The following GML variants were observed in gnomAD, a reference collection of about 807,000 sequenced individuals.
GML encodes glycosyl-phosphatidylinositol-anchored molecule-like protein.
GML carries 5 observed loss-of-function variants against 8.2 expected under a neutral mutation model. The observed-to-expected ratio is 0.61, with a 90% CI of 0.32 to 1.28. GML has a LOEUF of 1.28. GML is among the 50% of genes most tolerant of loss of function. GML has a pLI of 0.06. For missense variants in GML, 191 were observed against 198.3 expected, an observed-to-expected ratio of 0.96 and a Z score of 0.22; for synonymous variants, 72 against 69.0, an observed-to-expected ratio of 1.04 and a Z score of -0.22.
At chr8:142,839,328 A>G (rs1183837758) in intron 1 of GML, among the ~76,000 whole-genome samples, 1 of 152,060 alleles carries the variant, frequency 6.6e-6, no homozygotes, top group East Asian at 1.9e-4. Flanking sequence ...AAACTTGATG[A>G]CCTAGGGCTA....
At chr8:142,843,255 TACACACACACACACACACACACAC>T (rs55778635) in intron 3 of GML, among the ~76,000 whole-genome samples, 2 of 140,000 alleles carry the variant, frequency 1.4e-5, no homozygotes, top group South Asian at 2.4e-4. Flanking sequence ...AAAAGGTTCA[TACACACACACACACACACACACAC>T]ACACACACAC....
At chr8:142,841,257 T>C (rs768490499) in intron 3 of GML, 32 bp downstream of exon 3, 12 of 1,064,682 alleles carry the variant, frequency 1.1e-5, no homozygotes, top group Non-Finnish European at 1.6e-5. Context: ...TGACACATTG[T>C]AGATTAGTCC....
At chr8:142,838,914 T>C (rs1816382936) in intron 1 of GML, among the ~76,000 whole-genome samples, 1 of 152,166 alleles carries the variant, frequency 6.6e-6, no homozygotes, top group African/African-American at 2.4e-5. Context: ...TCTTGGGTAT[T>C]TTCCCATCCA....
chr8:142,840,598 G>A (rs767986242), intron 2 of GML, 88 bp downstream of exon 2: 3 of 940,864 alleles, frequency 3.2e-6, no homozygotes, highest in East Asian at 2.4e-5. Flanking sequence ...CTGCAACGTG[G>A]AGCAAGCCTC....
At chr8:142,841,978 C>T (rs1816440776) in intron 3 of GML, among the ~76,000 whole-genome samples, 1 of 152,186 alleles carries the variant, frequency 6.6e-6, no homozygotes, top group Non-Finnish European at 1.5e-5. Flanking sequence ...CCCCTGATTA[C>T]CACCTCGGTG....
chr8:142,837,151 G>T (rs546980553), intron 1 of GML, among the ~76,000 whole-genome samples: 1 of 152,122 alleles, frequency 6.6e-6, no homozygotes, highest in African/African-American at 2.4e-5. Flanking sequence ...AAAATTAGCT[G>T]GGCGTAGTGG....
At position 142,842,037 on chromosome 8, in the gene GML, A is replaced by G. The variant is rs1245708372; in HGVS notation, c.181+812A>G. ...GATCTCATCTTGAATTGTAACTCCC[A>G]TAATCCCCGTGTGTCATGGGAGGGA... On this transcript the variant is annotated intron_variant, in intron 3 of 3. Coordinates refer to ENST00000220940, the MANE Select transcript of GML (RefSeq NM_002066.3). Among the ~76,000 whole-genome samples, 7 of 152,156 alleles carry G rather than the reference A, an allele frequency of 4.6e-5. No individual in the cohort carries two copies. The East Asian group carries it at 1.2e-3, about 25-fold the overall frequency.
At chr8:142,840,745 C>T (rs1183675214) in intron 2 of GML, among the ~76,000 whole-genome samples, 1 of 152,144 alleles carries the variant, frequency 6.6e-6, no homozygotes, top group Non-Finnish European at 1.5e-5. Context: ...TGTGGCCCTT[C>T]TCCATCAGCG....
Position 142,841,336 on chromosome 8 carries a change from T to TC in GML, c.181+114dup, listed in dbSNP as rs1197430579. ...CTCTGCACCCAGCTCTGTTTCCCCTTCCCTCATGTCCTCCCATCCTGAGTG... is the reference window on the plus strand; with the variant it reads ...CTCTGCACCCAGCTCTGTTTCCCCTTCCCCTCATGTCCTCCCATCCTGAGTG... On this transcript the variant is annotated intron_variant, in intron 3 of 3. Coordinates refer to ENST00000220940, the MANE Select transcript of GML (RefSeq NM_002066.3). The TC allele has an allele frequency of 8.7e-6, 6 of 685,910 alleles. No homozygotes were observed. The African/African-American group carries it at 1.1e-4, about 12-fold the overall frequency. The allele number at this position is 685,910 out of a possible 1,614,324, so 42.5% of individuals were successfully genotyped here.
At position 142,840,633 on chromosome 8, in the gene GML, G is replaced by A. The variant is rs547208157; in HGVS notation, c.73+123G>A. ...CCGTTAGCTGGGGCCTGCATTGTCT[G>A]TGTAATCAGGGGTGGGCACTAGGGC... On this transcript the variant is annotated intron_variant, in intron 2 of 3. Transcript: ENST00000220940. The A allele has an allele frequency of 4.5e-4, 320 of 711,570 alleles. 4 individuals are homozygous for A. In the South Asian group the frequency reaches 4.9e-3, roughly 11 times the overall value. 44.1% of individuals were successfully genotyped at this position (711,570 alleles called of 1,614,324 possible). A position where few individuals can be genotyped will look rare whatever the true frequency, so the allele number is the denominator to read the frequency against.
intron 1 of GML, 93 bp downstream of exon 1, chr8:142,834,961 C>T (rs1586541372): frequency 6.9e-6 from 1 of 144,532 alleles, no homozygotes; most frequent in African/African-American, 2.6e-5. Context: ...CTGCTTGGGC[C>T]GCCAGGACGC....
Position 142,840,483 on chromosome 8 carries a change from G to T in GML, c.46G>T (p.Ala16Ser), listed in dbSNP as rs762192392. 2.4e-5 allele frequency: 39 copies of T among 1,612,854 alleles called. No individual in the cohort carries two copies. Among genetic ancestry groups the T allele is most frequent in the Non-Finnish European group, 3.3e-5 (39 of 1,178,906 alleles). The change falls in exon 2 of 4, where the codon GCA becomes TCA. Residue 16 changes from alanine to serine, a missense_variant. Transcript: ENST00000220940. ...CCTAGCCATGGAGCTCCCATTGGTG[G>T]CAGCCAGTGCCACCATGCGCGCTCA... ...LLLAMELPLV[A>S]ASATMRAQWT...
At chr8:142,843,829 C>T (rs1338020407) in intron 3 of GML, among the ~76,000 whole-genome samples, 1 of 152,102 alleles carries the variant, frequency 6.6e-6, no homozygotes, top group Non-Finnish European at 1.5e-5. Flanking sequence ...CTTAAAACAC[C>T]ATTAAAGACT....
intron 3 of GML, among the ~76,000 whole-genome samples, chr8:142,846,188 C>A (rs1816501602): frequency 6.6e-6 from 1 of 152,176 alleles, no homozygotes; most frequent in African/African-American, 2.4e-5. Context: ...AAACTATCTC[C>A]AGAAGAAGTT....
At chr8:142,838,558 A>C (rs1363450245) in intron 1 of GML, among the ~76,000 whole-genome samples, 1 of 152,184 alleles carries the variant, frequency 6.6e-6, no homozygotes, top group Non-Finnish European at 1.5e-5. Flanking sequence ...CTCCAGACTG[A>C]CTGTTGAGAA....
chr8:142,841,092 C>A, intron 2 of GML, 26 bp from the exon 3 acceptor site: 1 of 1,102,158 alleles, frequency 9.1e-7, no homozygotes, highest in Non-Finnish European at 1.4e-6. Flanking sequence ...GAGCAGAAGC[C>A]TGAAGCCTGC....
chr8:142,843,296 A>ACACACACACC (rs1347081007), intron 3 of GML, among the ~76,000 whole-genome samples: 3 of 142,034 alleles, frequency 2.1e-5, no homozygotes, highest in Non-Finnish European at 3.1e-5. Flanking sequence ...ACACACACAC[A>ACACACACACC]CACCATAACC....
At chr8:142,837,663 G>A (rs750908731) in intron 1 of GML, among the ~76,000 whole-genome samples, 1 of 145,320 alleles carries the variant, frequency 6.9e-6, no homozygotes, top group Non-Finnish European at 1.5e-5. Context: ...TCCTCAGCTC[G>A]GACAGGTTTC....
chr8:142,845,687 T>A (rs3753124), intron 3 of GML, among the ~76,000 whole-genome samples: 21,084 of 152,134 alleles, frequency 0.14, 2,575 homozygotes, highest in East Asian at 0.52. Context: ...TCAGGTGGCA[T>A]TGGTCAGCTG....
Sources: allele counts gnomAD v4.1 joint callset (sites outside exome capture counted in the v4.1 genomes callset), GRCh38; gene constraint gnomAD v4.1.1; transcripts MANE v1.5; gene names NCBI Gene and HGNC (gene_info 2026-07-23, HGNC 2026-07-21).